ERBB4: variants seen among roughly 807,000 people sequenced by gnomAD.
ERBB4 encodes erb-b2 receptor tyrosine kinase 4, also known as receptor tyrosine-protein kinase erbB-4.
In ERBB4, 42 loss-of-function variants were observed where a neutral mutation model predicts 158.0. The ratio of observed to expected loss-of-function variants is 0.27; its 90% CI spans 0.21 to 0.34. The LOEUF is 0.34. Ranked by LOEUF, ERBB4 falls within the 10% of genes least tolerant of loss-of-function variation. The pLI, the probability that ERBB4 is intolerant of heterozygous loss-of-function variation, is 1.00. For synonymous variants in ERBB4, 583 were observed against 558.7 expected (o/e 1.04, Z -0.61); for missense variants, 1,333 against 1,624.1 (o/e 0.82, Z 3.08).
intron 1 of ERBB4, among the ~76,000 whole-genome samples, chr2:212,367,954 T>G (rs2089949829): frequency 6.6e-6 from 1 of 151,866 alleles, no homozygotes; most frequent in Admixed American, 6.6e-5. Flanking sequence ...GTGGATGCGG[T>G]GAATAGGGAA....
intron 20 of ERBB4, among the ~76,000 whole-genome samples, chr2:211,548,946 T>G (rs906254723): frequency 2.0e-5 from 3 of 152,124 alleles, no homozygotes; most frequent in African/African-American, 7.2e-5. Flanking sequence ...TTCAATAGAC[T>G]CTGCTAATCA....
At chr2:212,506,941 C>G (rs1384250108) in intron 1 of ERBB4, among the ~76,000 whole-genome samples, 1 of 152,178 alleles carries the variant, frequency 6.6e-6, no homozygotes, top group Non-Finnish European at 1.5e-5. Context: ...GAAATGCCAT[C>G]TAGCACTTTC....
At chr2:211,813,515 T>G (rs186484142) in intron 3 of ERBB4, among the ~76,000 whole-genome samples, 1 of 152,214 alleles carries the variant, frequency 6.6e-6, no homozygotes, top group South Asian at 2.1e-4. Flanking sequence ...TTGACTTTTT[T>G]CAAAGAAATT....
intron 1 of ERBB4, among the ~76,000 whole-genome samples, chr2:212,440,496 C>T (rs755633665): frequency 6.6e-6 from 1 of 152,104 alleles, no homozygotes; most frequent in Non-Finnish European, 1.5e-5. Flanking sequence ...ATACTTAATA[C>T]ATTCATATAT....
At chr2:211,903,157 T>C (rs1318061016) in intron 3 of ERBB4, among the ~76,000 whole-genome samples, 1 of 151,934 alleles carries the variant, frequency 6.6e-6, no homozygotes, top group African/African-American at 2.4e-5. Context: ...ATCATCAGAT[T>C]GAGTGGCAAA....
intron 1 of ERBB4, among the ~76,000 whole-genome samples, chr2:212,235,436 C>G (rs966476866): frequency 1.3e-5 from 2 of 151,592 alleles, no homozygotes; most frequent in South Asian, 2.1e-4. Flanking sequence ...TGCACAGGAT[C>G]CTCTTGGCTA....
At chr2:211,459,905 C>G (rs1011558589) in intron 20 of ERBB4, among the ~76,000 whole-genome samples, 10 of 152,034 alleles carry the variant, frequency 6.6e-5, no homozygotes, top group African/African-American at 2.4e-4. Context: ...ACACATCGTG[C>G]ACTCTTGGTA....
intron 1 of ERBB4, among the ~76,000 whole-genome samples, chr2:212,527,289 T>C (rs1692498790): frequency 6.6e-6 from 1 of 152,186 alleles, no homozygotes; most frequent in African/African-American, 2.4e-5. Flanking sequence ...TCCAAAGATA[T>C]ACCCAGGTAC....
At chr2:212,433,840 G>A (rs1002763462) in intron 1 of ERBB4, among the ~76,000 whole-genome samples, 3 of 151,878 alleles carry the variant, frequency 2.0e-5, no homozygotes, top group Admixed American at 6.6e-5. Flanking sequence ...TATATTCTAC[G>A]CATGGCAGTG....
At chr2:212,269,420 T>C (rs985996549) in intron 1 of ERBB4, among the ~76,000 whole-genome samples, 3 of 151,800 alleles carry the variant, frequency 2.0e-5, no homozygotes, top group African/African-American at 7.2e-5. Context: ...TACTTATTCA[T>C]GTGTGGGGAA....
intron 25 of ERBB4, among the ~76,000 whole-genome samples, chr2:211,418,926 TAC>T (rs1306256884): frequency 6.6e-6 from 1 of 152,132 alleles, no homozygotes. Flanking sequence ...TTTCAGTTTG[TAC>T]TATAATATTT....
intron 2 of ERBB4, among the ~76,000 whole-genome samples, chr2:212,041,697 T>C (rs1257270095): frequency 2.0e-5 from 3 of 151,768 alleles, no homozygotes; most frequent in Admixed American, 6.6e-5. Flanking sequence ...AAAAAAACAG[T>C]ATCAATATAG....
intron 3 of ERBB4, among the ~76,000 whole-genome samples, chr2:211,944,177 CTA>C (rs59741173): frequency 0.48 from 18,438 of 38,418 alleles, 2,122 homozygotes; most frequent in East Asian, 0.57. Flanking sequence ...TATATATATA[CTA>C]TATATATATA....
At chr2:212,264,917 G>C (rs1032597352) in intron 1 of ERBB4, among the ~76,000 whole-genome samples, 1 of 152,090 alleles carries the variant, frequency 6.6e-6, no homozygotes, top group Non-Finnish European at 1.5e-5. Flanking sequence ...ACTGGTGGCA[G>C]TGTTTCCTTC....
chr2:212,197,811 A>C (rs1171889974), intron 1 of ERBB4, among the ~76,000 whole-genome samples: 1 of 152,198 alleles, frequency 6.6e-6, no homozygotes, highest in Non-Finnish European at 1.5e-5. Context: ...CATACTCTGA[A>C]ATTCCTATTT....
chr2:211,479,979 C>G (rs2065043320), intron 20 of ERBB4, among the ~76,000 whole-genome samples: 1 of 151,964 alleles, frequency 6.6e-6, no homozygotes, highest in Non-Finnish European at 1.5e-5. Flanking sequence ...ATGGGAAATG[C>G]AGAACAAGGT....
chr2:211,889,881 G>C (rs1278396693), intron 3 of ERBB4, among the ~76,000 whole-genome samples: 1 of 148,736 alleles, frequency 6.7e-6, no homozygotes, highest in Admixed American at 6.7e-5. Context: ...AATGAGCAAA[G>C]CCTCCAAGAA....
rs1451834131 is a variant in ERBB4 at position 211,773,628 on chromosome 2, A to AT, written c.556+14396dup. On this transcript the variant is annotated intron_variant, in intron 4 of 27. Coordinates refer to ENST00000342788, the MANE Select transcript of ERBB4 (RefSeq NM_005235.3). ...TATATATATATATATATATATATAT[A>AT]TATATATATATATATATATAATATA... 8.6e-4 allele frequency among the ~76,000 whole-genome samples: 45 copies of AT among 52,044 alleles called. 2 individuals are homozygous for AT. Among genetic ancestry groups the AT allele is most frequent in the African/African-American group, 3.8e-3 (38 of 9,960 alleles). The allele number at this position is 52,044 out of a possible 152,430, so 34.1% of individuals were successfully genotyped here. A position where few individuals can be genotyped will look rare whatever the true frequency, so the allele number is the denominator to read the frequency against.
intron 2 of ERBB4, among the ~76,000 whole-genome samples, chr2:212,106,831 G>C (rs1482970345): frequency 1.3e-5 from 2 of 152,236 alleles, no homozygotes; most frequent in Non-Finnish European, 2.9e-5. Flanking sequence ...GTAGAGCTCA[G>C]GCCATGGCTT....
Sources: gnomAD v4.1 joint callset for allele counts (sites outside exome capture counted in the v4.1 genomes callset) on GRCh38, gnomAD v4.1.1 for gene constraint, MANE v1.5 for transcripts, NCBI Gene and HGNC (gene_info 2026-07-23, HGNC 2026-07-21) for gene names.